Variants in HMGA2 observed in about 807,000 individuals in gnomAD.
The protein encoded by HMGA2 is high mobility group AT-hook 2.
In HMGA2, 8 loss-of-function variants were observed where a neutral mutation model predicts 19.1. That is an observed-to-expected ratio of 0.42 (90% CI 0.25 to 0.76). The LOEUF is 0.76. HMGA2 is among the 30% of genes least tolerant of loss of function. The pLI is 0.28. For missense variants in HMGA2, 109 were observed against 136.3 expected (o/e 0.80, Z 1.00); for synonymous variants, 60 against 48.8 (o/e 1.23, Z -0.96).
intron 4 of HMGA2, chr12:65,955,426 C>T (rs979638510): frequency 2.0e-5 from 3 of 152,016 alleles, no homozygotes; most frequent in East Asian, 1.9e-4. Context: ...AAAAAAGTTT[C>T]GCTAGTTTAT....
In HMGA2 at chr12:65,900,528, G is replaced by A. The variant is rs544725263; in HGVS notation, c.250-50855G>A. 5.3e-5 allele frequency among the ~76,000 whole-genome samples: 8 copies of A among 152,264 alleles called. No homozygotes were observed. The South Asian group carries it at 1.7e-3, about 32-fold the overall frequency. On this transcript the variant is annotated intron_variant, in intron 3 of 4. Coordinates refer to ENST00000403681, the MANE Select transcript of HMGA2 (RefSeq NM_003483.6). ...CAAGTGTCATTAAGTTTTCCTCTTA[G>A]TAGCCACAGCAAGCTCACAGCAGCC...
intron 3 of HMGA2, among the ~76,000 whole-genome samples, chr12:65,897,557 TCAGGGAGAG>T (rs1874181844): frequency 6.6e-6 from 1 of 152,172 alleles, no homozygotes; most frequent in Non-Finnish European, 1.5e-5. Flanking sequence ...AAAGGAGTGG[TCAGGGAGAG>T]CACAGAGTGA....
intron 3 of HMGA2, chr12:65,856,082 A>G (rs1871726567): frequency 6.6e-6 from 1 of 152,216 alleles, no homozygotes; most frequent in African/African-American, 2.4e-5. Flanking sequence ...ATAATTATAG[A>G]ATATCAGCAT....
At chr12:65,895,722 T>C (rs985126163) in intron 3 of HMGA2, among the ~76,000 whole-genome samples, 5 of 152,114 alleles carry the variant, frequency 3.3e-5, no homozygotes, top group East Asian at 3.8e-4. Flanking sequence ...TTACCTTCTT[T>C]GTCCTACATA....
intron 3 of HMGA2, among the ~76,000 whole-genome samples, chr12:65,902,037 T>G (rs1171170047): frequency 6.6e-6 from 1 of 152,208 alleles, no homozygotes; most frequent in Admixed American, 6.5e-5. Context: ...TTCCTTAGTT[T>G]ATTCTCTGAG....
intron 3 of HMGA2, among the ~76,000 whole-genome samples, chr12:65,923,642 A>AT (rs1875400902): frequency 6.6e-6 from 1 of 152,214 alleles, no homozygotes; most frequent in East Asian, 1.9e-4. Flanking sequence ...GGACAGCAAC[A>AT]TAAGAGCCAT....
Position 65,862,186 on chromosome 12 carries a change from C to A in HMGA2, c.249+23617C>A, listed in dbSNP as rs555997303. 3.9e-5 allele frequency among the ~76,000 whole-genome samples: 6 copies of A among 152,102 alleles called. No homozygotes were observed. In the East Asian group the frequency reaches 1.2e-3, roughly 29 times the overall value. The stretch of plus-strand genomic sequence containing the variant: ...AGTGAACAGTATGACTTCAGAGAGT[C>A]ATACTGTTTTAAGAGAGTTAACAAA... On this transcript the variant is annotated intron_variant, in intron 3 of 4. Transcript: ENST00000403681.
chr12:65,927,158 GTT>G (rs1179936645), intron 3 of HMGA2, among the ~76,000 whole-genome samples: 6 of 152,086 alleles, frequency 3.9e-5, no homozygotes, highest in Non-Finnish European at 7.4e-5. Context: ...GCCCTGGATT[GTT>G]TTTTTACAAA....
chr12:65,933,423 T>C (rs1454727551), intron 3 of HMGA2, among the ~76,000 whole-genome samples: 1 of 152,228 alleles, frequency 6.6e-6, no homozygotes, highest in Non-Finnish European at 1.5e-5. Flanking sequence ...TTTTGTCCTT[T>C]AAGCATAAGC....
At chr12:65,901,114 A>G (rs1874352906) in intron 3 of HMGA2, among the ~76,000 whole-genome samples, 1 of 152,166 alleles carries the variant, frequency 6.6e-6, no homozygotes, top group Non-Finnish European at 1.5e-5. Context: ...GAAATTGACC[A>G]TGGTAGGAGC....
chr12:65,962,131 A>G (rs1342825963), intron 4 of HMGA2, among the ~76,000 whole-genome samples: 1 of 152,012 alleles, frequency 6.6e-6, no homozygotes, highest in African/African-American at 2.4e-5. Flanking sequence ...GTAAATGTTT[A>G]CCTCTTCCCC....
intron 4 of HMGA2, among the ~76,000 whole-genome samples, chr12:65,961,610 A>G (rs879810434): frequency 7.2e-5 from 11 of 152,172 alleles, no homozygotes; most frequent in Non-Finnish European, 1.6e-4. Context: ...GCTGTAATCC[A>G]TTCATTTGTA....
At chr12:65,861,535 G>A (rs369212930) in intron 3 of HMGA2, among the ~76,000 whole-genome samples, 49 of 150,330 alleles carry the variant, frequency 3.3e-4, no homozygotes, top group Middle Eastern at 3.5e-3. Flanking sequence ...GGAACACTGC[G>A]TTCAGAAAAT....
rs1876837374 is a variant in HMGA2 at position 65,964,231 on chromosome 12, G to T, written c.*939G>T. On this transcript the variant is annotated 3_prime_UTR_variant, in exon 5 of 5. Coordinates refer to ENST00000403681, the MANE Select transcript of HMGA2 (RefSeq NM_003483.6). Reference sequence around the variant, plus strand: ...GCATGATGAACTCACCTAATTATGAGGTGGGAGGAGCGAAATCTAAATTTC... The same window carrying T: ...GCATGATGAACTCACCTAATTATGATGTGGGAGGAGCGAAATCTAAATTTC... 1 of 208,584 alleles carries T rather than the reference G, an allele frequency of 4.8e-6. No homozygotes were observed. The highest frequency in any genetic ancestry group is 9.7e-6 in the Non-Finnish European group (1 of 102,726). The allele number at this position is 208,584 out of a possible 1,614,324, so 12.9% of individuals were successfully genotyped here. A position where few individuals can be genotyped will look rare whatever the true frequency, so the allele number is the denominator to read the frequency against.
chr12:65,945,569 A>G (rs778252066), intron 3 of HMGA2, among the ~76,000 whole-genome samples: 3 of 152,200 alleles, frequency 2.0e-5, no homozygotes, highest in Non-Finnish European at 4.4e-5. Flanking sequence ...TGAACCTTTA[A>G]ATAACTTTGG....
chr12:65,841,687 G>A (rs1871003828), intron 3 of HMGA2, among the ~76,000 whole-genome samples: 1 of 152,218 alleles, frequency 6.6e-6, no homozygotes, highest in Non-Finnish European at 1.5e-5. Flanking sequence ...AGGTATATGG[G>A]TTAGAAGCCA....
chr12:65,840,461 C>T (rs1476090859), intron 3 of HMGA2, among the ~76,000 whole-genome samples: 2 of 152,116 alleles, frequency 1.3e-5, no homozygotes, highest in Admixed American at 6.5e-5. Flanking sequence ...TCTGGGAGTG[C>T]GTGCACTGGA....
rs551165759 is a variant in HMGA2, at chr12:65,825,466, G to C, written c.111+85G>C. The C allele has an allele frequency of 4.7e-3, 4,550 of 959,588 alleles. 143 individuals carry two copies. The African/African-American group carries it at 0.07, about 15-fold the overall frequency. The allele number at this position is 959,588 out of a possible 1,614,324, so 59.4% of individuals were successfully genotyped here. On this transcript the variant is annotated intron_variant, in intron 1 of 4. Coordinates refer to ENST00000403681, the MANE Select transcript of HMGA2 (RefSeq NM_003483.6). The surrounding 1 kb of genome is among the most constrained non-coding windows in gnomAD (Gnocchi z 4.4). ...ACACGCGCGGGGCGGCCGGAGTGCG[G>C]GAGCCCAGTCGCCGCGGCCGTCGCA...
At chr12:65,908,766 A>G (rs1400847951) in intron 3 of HMGA2, among the ~76,000 whole-genome samples, 2 of 152,190 alleles carry the variant, frequency 1.3e-5, no homozygotes, top group African/African-American at 2.4e-5. Context: ...CTGATAGTCA[A>G]TTCACAAACA....
Sources: gnomAD v4.1 joint callset for allele counts (sites outside exome capture counted in the v4.1 genomes callset) on GRCh38, gnomAD v4.1.1 for gene constraint, Gnocchi (gnomAD v3.1) non-coding constraint, MANE v1.5 for transcripts, NCBI Gene and HGNC (gene_info 2026-07-23, HGNC 2026-07-21) for gene names.